The following CENPW variants were observed in gnomAD, a reference collection of about 807,000 sequenced individuals.
CENPW encodes cancer-up-regulated gene 2 protein.
Under a neutral mutation model 11.1 loss-of-function variants are expected in CENPW, and 3 were observed. That is an observed-to-expected ratio of 0.27 (90% CI 0.12 to 0.70). The LOEUF is 0.70. CENPW is among the 30% of genes least tolerant of loss of function. CENPW has a pLI of 0.77. For synonymous variants in CENPW, 38 were observed against 42.0 expected, an observed-to-expected ratio of 0.91 and a Z score of 0.37; for missense variants, 100 against 105.6, an observed-to-expected ratio of 0.95 and a Z score of 0.23.
chr6:126,437,112 C>T, the CENPW span, among the ~76,000 whole-genome samples: 10 of 151,404 alleles, frequency 6.6e-5, no homozygotes, highest in East Asian at 1.9e-4. Context: ...TCATTGATTA[C>T]GCACAACAGA....
chr6:126,351,081 T>G (rs1201094007), downstream of CENPW, among the ~76,000 whole-genome samples: 2 of 151,856 alleles, frequency 1.3e-5, no homozygotes, highest in East Asian at 3.9e-4. Context: ...CTATCTCTTA[T>G]ATAGTGATAG....
At chr6:126,395,111 C>T in the CENPW span, among the ~76,000 whole-genome samples, 2 of 151,966 alleles carry the variant, frequency 1.3e-5, no homozygotes, top group African/African-American at 4.8e-5. Flanking sequence ...GTTATTATCC[C>T]TTTGAATAAA....
the CENPW span, among the ~76,000 whole-genome samples, chr6:126,394,680 A>G: frequency 2.0e-5 from 3 of 151,992 alleles, no homozygotes; most frequent in Non-Finnish European, 4.4e-5. Context: ...TTTCCTTCAG[A>G]TTGGAGAACT....
the CENPW span, among the ~76,000 whole-genome samples, chr6:126,460,398 G>T: frequency 1.3e-5 from 2 of 151,610 alleles, no homozygotes; most frequent in Non-Finnish European, 3.0e-5. Flanking sequence ...CGGGATTTTT[G>T]ACTTTATTAT....
intron 1 of CENPW, 152 bp downstream of exon 1, chr6:126,340,551 C>T (rs951990122): frequency 9.4e-7 from 1 of 1,060,398 alleles, no homozygotes; most frequent in Non-Finnish European, 1.4e-6. Flanking sequence ...ACGTATGCCC[C>T]ACCCTGGCAT....
At chr6:126,434,345 A>T in the CENPW span, among the ~76,000 whole-genome samples, 1 of 152,098 alleles carries the variant, frequency 6.6e-6, no homozygotes, top group Admixed American at 6.6e-5. Flanking sequence ...AAGGAAACAA[A>T]TTCTACCTAA....
chr6:126,452,312 T>C, the CENPW span, among the ~76,000 whole-genome samples: 1 of 151,146 alleles, frequency 6.6e-6, no homozygotes, highest in Non-Finnish European at 1.5e-5. Flanking sequence ...GACACAGGTG[T>C]TGGAATCATC....
chr6:126,408,856 T>A, the CENPW span, among the ~76,000 whole-genome samples: 1 of 152,062 alleles, frequency 6.6e-6, no homozygotes, highest in South Asian at 2.1e-4. Flanking sequence ...GTGAGTCTTC[T>A]CTGTTTTTTC....
At chr6:126,476,995 A>G in the CENPW span, among the ~76,000 whole-genome samples, 1 of 152,044 alleles carries the variant, frequency 6.6e-6, no homozygotes, top group Admixed American at 6.6e-5. Flanking sequence ...AGTAAAGGAA[A>G]TATACTTCAT....
chr6:126,351,136 A>G (rs1351284253), downstream of CENPW, among the ~76,000 whole-genome samples: 1 of 130,272 alleles, frequency 7.7e-6, no homozygotes, highest in Admixed American at 9.2e-5. Context: ...GTGGAGGAGA[A>G]AGAGAGAGAG....
intron 2 of CENPW, among the ~76,000 whole-genome samples, chr6:126,346,704 A>G (rs1196828486): frequency 2.6e-5 from 4 of 152,162 alleles, no homozygotes; most frequent in Non-Finnish European, 4.4e-5. Context: ...GGTTATTTAT[A>G]AAGGAAAGAG....
the CENPW span, among the ~76,000 whole-genome samples, chr6:126,449,339 C>G: frequency 6.6e-6 from 1 of 151,006 alleles, no homozygotes; most frequent in Non-Finnish European, 1.5e-5. Context: ...CTCTAGAGAA[C>G]AAAGACTGGG....
chr6:126,429,692 T>C, the CENPW span, among the ~76,000 whole-genome samples: 1 of 152,196 alleles, frequency 6.6e-6, no homozygotes, highest in Admixed American at 6.5e-5. Context: ...AATGCAAGAA[T>C]GGCCTAATAC....
the CENPW span, among the ~76,000 whole-genome samples, chr6:126,374,888 C>A: frequency 2.0e-5 from 3 of 152,136 alleles, no homozygotes; most frequent in Admixed American, 6.5e-5. Flanking sequence ...TAGGCTGAAA[C>A]CTATGCTCAT....
chr6:126,418,967 ATATACT>A, the CENPW span, among the ~76,000 whole-genome samples: 1 of 151,156 alleles, frequency 6.6e-6, no homozygotes, highest in Admixed American at 6.6e-5. Context: ...GCATTAGGAG[ATATACT>A]TAATGTAAAT....
At chr6:126,464,036 T>G in the CENPW span, among the ~76,000 whole-genome samples, 3 of 152,112 alleles carry the variant, frequency 2.0e-5, no homozygotes, top group Non-Finnish European at 4.4e-5. Context: ...TTGATAACTA[T>G]GAACATATAT....
chr6:126,458,949 G>T, the CENPW span, among the ~76,000 whole-genome samples: 1 of 151,364 alleles, frequency 6.6e-6, no homozygotes. Context: ...CCTGCCTACA[G>T]TTTCTTCATG....
the CENPW span, among the ~76,000 whole-genome samples, chr6:126,410,088 G>A: frequency 7.9e-4 from 120 of 151,866 alleles, no homozygotes; most frequent in Non-Finnish European, 1.3e-3. Context: ...TTCTACCAGA[G>A]CTTTATGTAT....
the CENPW span, among the ~76,000 whole-genome samples, chr6:126,414,620 G>T: frequency 6.6e-6 from 1 of 151,894 alleles, no homozygotes; most frequent in East Asian, 1.9e-4. Flanking sequence ...ATGGGATATA[G>T]CAAAAGCAGT....
Sources: allele counts gnomAD v4.1 joint callset (sites outside exome capture counted in the v4.1 genomes callset), GRCh38; gene constraint gnomAD v4.1.1; transcripts MANE v1.5; gene names NCBI Gene and HGNC (gene_info 2026-07-23, HGNC 2026-07-21).